The following PLCB1 variants were observed in gnomAD, a reference collection of about 807,000 sequenced individuals.
The protein encoded by PLCB1 is 1-phosphatidylinositol 4,5-bisphosphate phosphodiesterase beta-1.
In PLCB1, 46 loss-of-function variants were observed where a neutral mutation model predicts 161.8. The ratio of observed to expected loss-of-function variants is 0.28; its 90% CI spans 0.22 to 0.36. The LOEUF (loss-of-function observed/expected upper bound fraction) is 0.36, where lower values mean the gene tolerates loss of function less well. PLCB1 is among the 10% of genes least tolerant of loss of function. PLCB1 has a pLI of 1.00. For synonymous variants in PLCB1, 517 were observed against 503.7 expected (o/e 1.03, Z -0.35); for missense variants, 1,016 against 1,472.5 (o/e 0.69, Z 5.07).
intron 2 of PLCB1, among the ~76,000 whole-genome samples, chr20:8,265,509 C>T (rs1981912584): frequency 6.6e-6 from 1 of 151,936 alleles, no homozygotes; most frequent in Non-Finnish European, 1.5e-5. Context: ...AGAGCTTTCA[C>T]AGGCATTTTT....
In PLCB1 at chr20:8,332,583, A is replaced by G. The variant is rs114227638; in HGVS notation, c.178-38799A>G. Reference sequence around the variant, plus strand: ...GTAACTATGATTATCCCTAGATGAGAAAATGGAGATGCGGAAAGACTAAAT... The same window carrying G: ...GTAACTATGATTATCCCTAGATGAGGAAATGGAGATGCGGAAAGACTAAAT... On this transcript the variant is annotated intron_variant, in intron 2 of 31. Coordinates refer to ENST00000338037, the MANE Select transcript of PLCB1 (RefSeq NM_015192.4). 2.4e-3 allele frequency among the ~76,000 whole-genome samples: 370 copies of G among 152,360 alleles called. 2 individuals carry two copies. The highest frequency in any genetic ancestry group is 8.3e-3 in the African/African-American group (345 of 41,592).
intron 3 of PLCB1, among the ~76,000 whole-genome samples, chr20:8,538,934 C>G (rs1187526368): frequency 1.3e-5 from 2 of 151,840 alleles, no homozygotes; most frequent in Non-Finnish European, 2.9e-5. Flanking sequence ...GCTGGGATTA[C>G]AGGCGCCTGC....
chr20:8,240,278 TGACACA>T (rs922310184), intron 2 of PLCB1, among the ~76,000 whole-genome samples: 14 of 54,382 alleles, frequency 2.6e-4, no homozygotes, highest in Admixed American at 2.2e-4. Context: ...TTCATGATAT[TGACACA>T]CACACACACA....
intron 2 of PLCB1, among the ~76,000 whole-genome samples, chr20:8,205,026 T>C (rs1294911217): frequency 6.6e-6 from 1 of 152,200 alleles, no homozygotes; most frequent in African/African-American, 2.4e-5. Context: ...ATGTTTTGAA[T>C]TTAAACTGAA....
intron 3 of PLCB1, among the ~76,000 whole-genome samples, chr20:8,402,223 A>G (rs556550093): frequency 7.9e-5 from 12 of 152,262 alleles, no homozygotes; most frequent in African/African-American, 2.4e-5. Flanking sequence ...CCTAAAAACC[A>G]TGTGTATTTT....
chr20:8,582,385 G>T (rs6055920), intron 3 of PLCB1, among the ~76,000 whole-genome samples: 1,843 of 152,236 alleles, frequency 0.012, 32 homozygotes, highest in African/African-American at 0.042. Context: ...TCATAGAGTG[G>T]TGTCAAAGGT....
At chr20:8,266,186 T>C (rs1235289648) in intron 2 of PLCB1, among the ~76,000 whole-genome samples, 4 of 152,176 alleles carry the variant, frequency 2.6e-5, no homozygotes, top group African/African-American at 9.7e-5. Context: ...AACACTTACT[T>C]GTAGTTTCTA....
At chr20:8,644,588 C>T (rs1218255014) in intron 4 of PLCB1, among the ~76,000 whole-genome samples, 1 of 150,974 alleles carries the variant, frequency 6.6e-6, no homozygotes, top group Non-Finnish European at 1.5e-5. Context: ...GTGAGGAGCC[C>T]CTCCGCCTGG....
chr20:8,695,604 A>T (rs545545477), intron 10 of PLCB1, among the ~76,000 whole-genome samples: 1 of 152,280 alleles, frequency 6.6e-6, no homozygotes, highest in East Asian at 1.9e-4. Flanking sequence ...TAGGAGGCTT[A>T]GGAAGGAGGA....
In PLCB1 at chr20:8,520,430, A is replaced by T. The variant is rs142063496; in HGVS notation, c.247-107864A>T. On this transcript the variant is annotated intron_variant, in intron 3 of 31. Transcript: ENST00000338037. ...CTATTTTGCCAGTTAACCATGGCCAACTGATTTTTTTTTCTTTGTTCACCT... is the reference window on the plus strand; with the variant it reads ...CTATTTTGCCAGTTAACCATGGCCATCTGATTTTTTTTTCTTTGTTCACCT... Among the ~76,000 whole-genome samples, 64 of 152,276 alleles carry T rather than the reference A, an allele frequency of 4.2e-4. 1 individual carries two copies. The East Asian group carries it at 8.3e-3, about 20-fold the overall frequency.
At chr20:8,523,449 A>AAT (rs1251293195) in intron 3 of PLCB1, among the ~76,000 whole-genome samples, 5 of 96,826 alleles carry the variant, frequency 5.2e-5, no homozygotes, top group Non-Finnish European at 1.1e-4. Flanking sequence ...GACGACAACA[A>AAT]ATATATATAT....
chr20:8,317,873 C>G (rs1984730244), intron 2 of PLCB1, among the ~76,000 whole-genome samples: 1 of 151,990 alleles, frequency 6.6e-6, no homozygotes, highest in Admixed American at 6.6e-5. Context: ...TTAAATAACC[C>G]ATTCATCTTT....
At chr20:8,294,643 C>T (rs1983545388) in intron 2 of PLCB1, among the ~76,000 whole-genome samples, 1 of 150,346 alleles carries the variant, frequency 6.7e-6, no homozygotes, top group Non-Finnish European at 1.5e-5. Context: ...AGCACAAGCA[C>T]TCCTGATAAG....
intron 3 of PLCB1, among the ~76,000 whole-genome samples, chr20:8,537,399 G>A (rs1344638986): frequency 2.6e-5 from 4 of 151,990 alleles, no homozygotes; most frequent in East Asian, 1.9e-4. Context: ...GAGCTCACTC[G>A]CCCAACTCCT....
At chr20:8,133,492 C>A (rs1175390495) in intron 1 of PLCB1, among the ~76,000 whole-genome samples, 1 of 152,098 alleles carries the variant, frequency 6.6e-6, no homozygotes, top group Admixed American at 6.5e-5. Flanking sequence ...GTTTGCCCCA[C>A]GATTTACCTG....
At chr20:8,231,508 C>A (rs1654655065) in intron 2 of PLCB1, among the ~76,000 whole-genome samples, 1 of 152,172 alleles carries the variant, frequency 6.6e-6, no homozygotes, top group African/African-American at 2.4e-5. Flanking sequence ...CAAACCACAG[C>A]ATGGTACATA....
chr20:8,605,516 A>T (rs575227701), intron 3 of PLCB1, among the ~76,000 whole-genome samples: 1 of 151,534 alleles, frequency 6.6e-6, no homozygotes, highest in South Asian at 2.1e-4. Context: ...CTCTTTTTAT[A>T]CTAGAAACAT....
At chr20:8,629,363 G>C (rs891891818) in intron 4 of PLCB1, among the ~76,000 whole-genome samples, 2 of 152,152 alleles carry the variant, frequency 1.3e-5, no homozygotes, top group Non-Finnish European at 2.9e-5. Flanking sequence ...AAGCCTTTCA[G>C]ATATTTACAA....
intron 31 of PLCB1, among the ~76,000 whole-genome samples, chr20:8,809,367 C>T (rs1600345577): frequency 6.6e-6 from 1 of 152,116 alleles, no homozygotes; most frequent in African/African-American, 2.4e-5. Flanking sequence ...TGCTGGTGCT[C>T]TCTAGGTACT....
Sources: gnomAD v4.1 joint callset for allele counts (sites outside exome capture counted in the v4.1 genomes callset) on GRCh38, gnomAD v4.1.1 for gene constraint, MANE v1.5 for transcripts, NCBI Gene and HGNC (gene_info 2026-07-23, HGNC 2026-07-21) for gene names.